The following YIPF4 variants were observed in gnomAD, a reference collection of about 807,000 sequenced individuals.
The protein encoded by YIPF4 is protein YIPF4.
Under a neutral mutation model 29.4 loss-of-function variants are expected in YIPF4, and 18 were observed. That is an observed-to-expected ratio of 0.61 (90% CI 0.42 to 0.91). YIPF4 has a LOEUF of 0.91. Among genes scored for constraint, YIPF4 ranks in the 40% least tolerant of loss-of-function variants. The pLI is 0.00. For missense variants in YIPF4, 279 were observed against 282.7 expected, an observed-to-expected ratio of 0.99 and a Z score of 0.09; for synonymous variants, 115 against 104.7, an observed-to-expected ratio of 1.10 and a Z score of -0.60.
In YIPF4 at chr2:32,306,357, T is replaced by G. The variant is rs1164417001; in HGVS notation, c.*731T>G. On this transcript the variant is annotated 3_prime_UTR_variant, in exon 6 of 6. Coordinates refer to ENST00000238831, the MANE Select transcript of YIPF4 (RefSeq NM_032312.4). ...ATGTCCAAACATCTGATTTAAAGTT[T>G]CTGTTTATCTTTCTGACCAAAGGAG... The G allele has an allele frequency of 1.0e-6, 1 of 985,672 alleles. No homozygotes were observed. The highest frequency in any genetic ancestry group is 1.2e-6 in the Non-Finnish European group (1 of 829,902). The allele number at this position is 985,672 out of a possible 1,614,324, so 61.1% of individuals were successfully genotyped here.
At chr2:32,284,366 G>A (rs2030562484) in intron 1 of YIPF4, among the ~76,000 whole-genome samples, 2 of 152,128 alleles carry the variant, frequency 1.3e-5, no homozygotes, top group African/African-American at 2.4e-5. Flanking sequence ...TTGTGTCCCT[G>A]CCCAAATCTC....
At position 32,313,319 on chromosome 2, in the gene YIPF4, T is replaced by A. The variant is rs1035739892; in HGVS notation, c.*7693T>A. The A allele has an allele frequency of 6.6e-6, 1 of 152,176 alleles. No homozygotes were observed. The highest frequency in any genetic ancestry group is 1.5e-5 in the Non-Finnish European group (1 of 68,038). The allele number at this position is 152,176 out of a possible 1,614,324, so 9.4% of individuals were successfully genotyped here. A position where few individuals can be genotyped will look rare whatever the true frequency, so the allele number is the denominator to read the frequency against. On this transcript the variant is annotated 3_prime_UTR_variant, in exon 6 of 6. Transcript: ENST00000238831. ...TTTGAAGTTTAGTGGTTAATGAAAT[T>A]GAACAGGTATGTCAGCACCATACCT...
At position 32,309,415 on chromosome 2, in the gene YIPF4, A is replaced by C. The variant is rs1029795079; in HGVS notation, c.*3789A>C. ...AACTCTGGTCCCAAGCATTTTGGAA[A>C]GGGTATACTCAATCTGTATTAACAT... On this transcript the variant is annotated 3_prime_UTR_variant, in exon 6 of 6. Transcript: ENST00000238831. 1 of 152,232 alleles carries C rather than the reference A, an allele frequency of 6.6e-6. No individual in the cohort carries two copies. Among genetic ancestry groups the C allele is most frequent in the Non-Finnish European group, 1.5e-5 (1 of 68,040 alleles). 9.4% of individuals were successfully genotyped at this position (152,232 alleles called of 1,614,324 possible). A position where few individuals can be genotyped will look rare whatever the true frequency, so the allele number is the denominator to read the frequency against.
rs2148969824 is a variant in YIPF4, at chr2:32,309,741, G to T, written c.*4115G>T. 1 of 146,172 alleles carries T rather than the reference G, an allele frequency of 6.8e-6. No homozygotes were observed. The highest frequency in any genetic ancestry group is 2.6e-5 in the African/African-American group (1 of 38,964). The allele number at this position is 146,172 out of a possible 1,614,324, so 9.1% of individuals were successfully genotyped here. A position where few individuals can be genotyped will look rare whatever the true frequency, so the allele number is the denominator to read the frequency against. ...GTCTTGCTCTCTCGCCCAGGCTGGA[G>T]TGTGTGGCGCAATCTCAGCTCACTG... On this transcript the variant is annotated 3_prime_UTR_variant, in exon 6 of 6. Transcript: ENST00000238831.
chr2:32,298,195 T>C (rs372401750), intron 3 of YIPF4, 39 bp from the exon 4 acceptor site: 14 of 1,432,806 alleles, frequency 9.8e-6, no homozygotes, highest in Admixed American at 3.5e-5. Flanking sequence ...TCATCTTATT[T>C]GGTATAAAAA....
At chr2:32,286,393 T>A (rs2030671092) in intron 1 of YIPF4, among the ~76,000 whole-genome samples, 1 of 152,212 alleles carries the variant, frequency 6.6e-6, no homozygotes, top group African/African-American at 2.4e-5. Context: ...AAAAGAAATT[T>A]CATCTTTTTG....
chr2:32,282,685 G>A (rs1328225143), intron 1 of YIPF4, among the ~76,000 whole-genome samples: 1 of 152,026 alleles, frequency 6.6e-6, no homozygotes, highest in Non-Finnish European at 1.5e-5. Flanking sequence ...ACCCGCCTCA[G>A]CTTCCCAAAG....
At chr2:32,298,699 T>C (rs2031284390) in intron 4 of YIPF4, among the ~76,000 whole-genome samples, 1 of 151,758 alleles carries the variant, frequency 6.6e-6, no homozygotes, top group South Asian at 2.1e-4. Context: ...GCTGGGATTA[T>C]AGATATGTGC....
rs1038812301 is a variant in YIPF4, at chr2:32,311,989, T to C, written c.*6363T>C. The C allele has an allele frequency of 6.6e-6, 1 of 152,248 alleles. No individual in the cohort carries two copies. The highest frequency in any genetic ancestry group is 1.5e-5 in the Non-Finnish European group (1 of 68,040). The allele number at this position is 152,248 out of a possible 1,614,324, so 9.4% of individuals were successfully genotyped here. A position where few individuals can be genotyped will look rare whatever the true frequency, so the allele number is the denominator to read the frequency against. Reference sequence around the variant, plus strand: ...GGTGGAATTAGTTCTCCATGTAAAGTATCTTTTTAATAGTAAGCACCATTT... The same window carrying C: ...GGTGGAATTAGTTCTCCATGTAAAGCATCTTTTTAATAGTAAGCACCATTT... On this transcript the variant is annotated 3_prime_UTR_variant, in exon 6 of 6. Transcript: ENST00000238831.
At chr2:32,298,768 A>T (rs1164937975) in intron 4 of YIPF4, among the ~76,000 whole-genome samples, 1 of 152,124 alleles carries the variant, frequency 6.6e-6, no homozygotes, top group African/African-American at 2.4e-5. Flanking sequence ...CATGTTGGCC[A>T]GGCTGGTCTT....
intron 1 of YIPF4, among the ~76,000 whole-genome samples, chr2:32,288,536 C>T (rs547690795): frequency 2.0e-5 from 3 of 152,210 alleles, no homozygotes; most frequent in African/African-American, 7.2e-5. Flanking sequence ...TGGCCTGGCG[C>T]GGTGGCTCAC....
At position 32,314,112 on chromosome 2, in the gene YIPF4, C is replaced by G. The variant is rs1449624646; in HGVS notation, c.*8486C>G. ...TATGTACAAGAATGTGCACAGTTAA[C>G]ATTATTCAAATAGCCAAAAACGGGA... On this transcript the variant is annotated 3_prime_UTR_variant, in exon 6 of 6. Transcript: ENST00000238831. 1 of 152,190 alleles carries G rather than the reference C, an allele frequency of 6.6e-6. No homozygotes were observed. The highest frequency in any genetic ancestry group is 2.4e-5 in the African/African-American group (1 of 41,452). 9.4% of individuals were successfully genotyped at this position (152,190 alleles called of 1,614,324 possible). A position where few individuals can be genotyped will look rare whatever the true frequency, so the allele number is the denominator to read the frequency against.
In YIPF4 at chr2:32,307,928, CAAAAAAAAAAAAA is replaced by C. The variant is rs70938335; in HGVS notation, c.*2316_*2328del. On this transcript the variant is annotated 3_prime_UTR_variant, in exon 6 of 6. Transcript: ENST00000238831. ...CCTGGGTAACAGAGCAAGACTCTCT[CAAAAAAAAAAAAA>C]AAAAAAAAAAAAACCATGATTTGTA... 2.0e-5 allele frequency: 1 copy of C among 48,946 alleles called. No homozygotes were observed. Among genetic ancestry groups the C allele is most frequent in the African/African-American group, 8.8e-5 (1 of 11,368 alleles). The allele number at this position is 48,946 out of a possible 1,614,324, so 3.0% of individuals were successfully genotyped here.
chr2:32,300,700 T>C (rs1443845235), intron 4 of YIPF4, among the ~76,000 whole-genome samples: 2 of 152,142 alleles, frequency 1.3e-5, no homozygotes, highest in Non-Finnish European at 2.9e-5. Flanking sequence ...TATCATTACG[T>C]GTTTTGGTAA....
At chr2:32,298,132 T>C (rs1320139344) in intron 3 of YIPF4, 102 bp from the exon 4 acceptor site, 3 of 835,792 alleles carry the variant, frequency 3.6e-6, no homozygotes, top group African/African-American at 3.4e-5. Flanking sequence ...TGACCTGAAA[T>C]TGGGCATGCT....
intron 3 of YIPF4, among the ~76,000 whole-genome samples, chr2:32,293,907 T>C (rs1299979344): frequency 1.9e-5 from 2 of 104,436 alleles, no homozygotes; most frequent in Non-Finnish European, 1.9e-5. Context: ...CCCCCCCACC[T>C]CCCTCCCGGA....
chr2:32,299,035 G>A (rs1208050380), intron 4 of YIPF4, among the ~76,000 whole-genome samples: 2 of 151,802 alleles, frequency 1.3e-5, no homozygotes, highest in East Asian at 3.9e-4. Context: ...CTGCCACCCT[G>A]CCCAACTAAT....
chr2:32,313,313 T>C lies in YIPF4; in HGVS notation c.*7687T>C, dbSNP rs2031754877. The C allele has an allele frequency of 6.6e-6, 1 of 152,202 alleles. No individual in the cohort carries two copies. The highest frequency in any genetic ancestry group is 6.6e-5 in the Admixed American group (1 of 15,266). The allele number at this position is 152,202 out of a possible 1,614,324, so 9.4% of individuals were successfully genotyped here. A position where few individuals can be genotyped will look rare whatever the true frequency, so the allele number is the denominator to read the frequency against. On this transcript the variant is annotated 3_prime_UTR_variant, in exon 6 of 6. Coordinates refer to ENST00000238831, the MANE Select transcript of YIPF4 (RefSeq NM_032312.4). The stretch of plus-strand genomic sequence containing the variant: ...AACCAGTTTGAAGTTTAGTGGTTAA[T>C]GAAATTGAACAGGTATGTCAGCACC...
intron 1 of YIPF4, among the ~76,000 whole-genome samples, chr2:32,281,375 G>A (rs1011036177): frequency 6.6e-6 from 1 of 151,942 alleles, no homozygotes; most frequent in Non-Finnish European, 1.5e-5. Flanking sequence ...CTGAGTAACT[G>A]GGACTACAGG....
Sources: allele counts gnomAD v4.1 joint callset (sites outside exome capture counted in the v4.1 genomes callset), GRCh38; gene constraint gnomAD v4.1.1; transcripts MANE v1.5; gene names NCBI Gene and HGNC (gene_info 2026-07-23, HGNC 2026-07-21).